Variants in TENM2 observed in about 807,000 individuals in gnomAD.
TENM2 encodes teneurin transmembrane protein 2.
A neutral mutation model predicts 245.2 loss-of-function variants in TENM2; 52 were observed. The ratio of observed to expected loss-of-function variants is 0.21; its 90% CI spans 0.17 to 0.27. The LOEUF (loss-of-function observed/expected upper bound fraction) is 0.27. Ranked by LOEUF, TENM2 falls within the 10% of genes least tolerant of loss-of-function variation. TENM2 has a pLI of 1.00. For synonymous variants in TENM2, 1,363 were observed against 1,438.9 expected (o/e 0.95, Z 1.19); for missense variants, 3,046 against 3,666.8 (o/e 0.83, Z 4.37).
chr5:167,446,480 G>T (rs953941521), intron 2 of TENM2, among the ~76,000 whole-genome samples: 3 of 152,112 alleles, frequency 2.0e-5, no homozygotes, highest in Non-Finnish European at 4.4e-5. Context: ...CATTTCTTGG[G>T]CCAGTTACAC....
chr5:168,226,111 C>T (rs1764159148), exon 24 of TENM2: 1 of 1,613,622 alleles, frequency 6.2e-7, no homozygotes. Context: ...GGCCGCCTGA[C>T]CAACGTGACG....
chr5:167,535,051 T>C lies in TENM2; in HGVS notation c.502+159578T>C, dbSNP rs143907824. ...TTGTCTATTTTCTTTTCAAACCCAGTTGTAAAACTTGTGTGAGTCCAAGTT... is the reference window on the plus strand; with the variant it reads ...TTGTCTATTTTCTTTTCAAACCCAGCTGTAAAACTTGTGTGAGTCCAAGTT... On this transcript the variant is annotated intron_variant, in intron 2 of 28. Coordinates refer to ENST00000518659, the Ensembl canonical transcript of TENM2. Among the ~76,000 whole-genome samples, 492 of 152,278 alleles carry C rather than the reference T, an allele frequency of 3.2e-3. 3 individuals are homozygous for C. The highest frequency in any genetic ancestry group is 0.011 in the African/African-American group (458 of 41,566).
At chr5:168,100,975 G>C (rs1357923990) in intron 9 of TENM2, among the ~76,000 whole-genome samples, 1 of 151,336 alleles carries the variant, frequency 6.6e-6, no homozygotes, top group Non-Finnish European at 1.5e-5. Flanking sequence ...TCAGGGCTCT[G>C]TGTCAGGCCA....
At chr5:167,822,745 A>G (rs1767635786) in intron 2 of TENM2, among the ~76,000 whole-genome samples, 1 of 152,236 alleles carries the variant, frequency 6.6e-6, no homozygotes, top group Non-Finnish European at 1.5e-5. Context: ...AACAAAAACA[A>G]CAACACATTA....
intron 2 of TENM2, among the ~76,000 whole-genome samples, chr5:167,687,898 T>C (rs1283243758): frequency 2.6e-5 from 4 of 152,232 alleles, no homozygotes; most frequent in Non-Finnish European, 5.9e-5. Context: ...CAAGAATCAC[T>C]ATCAACATTG....
chr5:167,647,737 C>T (rs1036211798), intron 2 of TENM2, among the ~76,000 whole-genome samples: 7 of 152,104 alleles, frequency 4.6e-5, no homozygotes, highest in Non-Finnish European at 1.5e-5. Context: ...TAATAATGCA[C>T]GACTGCCCTG....
chr5:168,162,742 A>G (rs1308043901), exon 13 of TENM2: 2 of 1,613,982 alleles, frequency 1.2e-6, no homozygotes, highest in South Asian at 2.2e-5. Context: ...TGCTGATAAC[A>G]AGGATAATGA....
intron 2 of TENM2, among the ~76,000 whole-genome samples, chr5:167,453,434 G>T (rs1765727718): frequency 6.6e-6 from 1 of 151,950 alleles, no homozygotes; most frequent in African/African-American, 2.4e-5. Context: ...CCCTTTCCCG[G>T]GATAGGAAGA....
intron 2 of TENM2, among the ~76,000 whole-genome samples, chr5:167,437,004 G>T (rs1222473493): frequency 6.6e-6 from 1 of 152,160 alleles, no homozygotes. Context: ...TATGGGGTTG[G>T]AGCCCCCTCA....
chr5:167,922,066 G>T (rs1039842484), intron 3 of TENM2, among the ~76,000 whole-genome samples: 2 of 152,194 alleles, frequency 1.3e-5, no homozygotes, highest in East Asian at 3.8e-4. Flanking sequence ...AGAAAAAAGA[G>T]TCATGAAGTA....
the TENM2 span, among the ~76,000 whole-genome samples, chr5:167,178,282 G>T: frequency 6.6e-6 from 1 of 152,164 alleles, no homozygotes; most frequent in African/African-American, 2.4e-5. Flanking sequence ...GCATAGACCT[G>T]TCTGAATGTC....
chr5:167,635,734 T>C (rs1002619047), intron 2 of TENM2, among the ~76,000 whole-genome samples: 1 of 140,994 alleles, frequency 7.1e-6, no homozygotes, highest in Non-Finnish European at 1.5e-5. Context: ...AAGCTCCGCC[T>C]CCCGGGTTCA....
intron 3 of TENM2, among the ~76,000 whole-genome samples, chr5:167,882,307 A>G (rs1292549829): frequency 6.6e-6 from 1 of 152,214 alleles, no homozygotes; most frequent in Non-Finnish European, 1.5e-5. Context: ...AGGAGGGGCT[A>G]AGGAACTCTG....
intron 12 of TENM2, among the ~76,000 whole-genome samples, chr5:168,153,532 CAG>C (rs1317857353): frequency 1.3e-5 from 2 of 152,130 alleles, no homozygotes; most frequent in Non-Finnish European, 2.9e-5. Context: ...GAGCGTAGTT[CAG>C]AGAGACACAT....
intron 2 of TENM2, among the ~76,000 whole-genome samples, chr5:167,557,721 T>C (rs1773343284): frequency 6.6e-6 from 1 of 151,544 alleles, no homozygotes; most frequent in African/African-American, 2.4e-5. Flanking sequence ...TCTAGAGACA[T>C]TCTTGATTGC....
intron 2 of TENM2, among the ~76,000 whole-genome samples, chr5:167,651,416 T>C (rs571180903): frequency 2.6e-5 from 4 of 151,968 alleles, no homozygotes; most frequent in Admixed American, 1.3e-4. Context: ...TCTCATTTTT[T>C]TTTTCTTGAG....
chr5:167,917,041 C>T (rs1458857292), intron 3 of TENM2, among the ~76,000 whole-genome samples: 4 of 152,172 alleles, frequency 2.6e-5, no homozygotes, highest in African/African-American at 2.4e-5. Flanking sequence ...GGTACTGTAC[C>T]GGTGCCTTTC....
chr5:167,420,643 CCTT>C (rs1169282965), intron 2 of TENM2, among the ~76,000 whole-genome samples: 1 of 152,196 alleles, frequency 6.6e-6, no homozygotes, highest in East Asian at 1.9e-4. Context: ...TCAGATGTCA[CCTT>C]CTCAATAAGG....
chr5:167,624,186 G>A (rs574994548), intron 2 of TENM2, among the ~76,000 whole-genome samples: 13 of 152,214 alleles, frequency 8.5e-5, no homozygotes, highest in South Asian at 8.3e-4. Context: ...CATCAATGGC[G>A]GATTGGGTAA....
Sources: gnomAD v4.1 joint callset for allele counts (sites outside exome capture counted in the v4.1 genomes callset) on GRCh38, gnomAD v4.1.1 for gene constraint, MANE v1.5 for transcripts, NCBI Gene and HGNC (gene_info 2026-07-23, HGNC 2026-07-21) for gene names.